Variants in DHX32 observed in about 807,000 individuals in gnomAD.
DHX32 encodes DEAH-box helicase 32 (putative), also known as putative pre-mRNA-splicing factor ATP-dependent RNA helicase DHX32.
DHX32 carries 51 observed loss-of-function variants against 70.0 expected under a neutral mutation model. The ratio of observed to expected loss-of-function variants is 0.73; its 90% CI spans 0.58 to 0.92. The LOEUF (loss-of-function observed/expected upper bound fraction) is 0.92. DHX32 is among the 40% of genes least tolerant of loss of function. DHX32 has a pLI of 0.00. For missense variants in DHX32, 762 were observed against 891.8 expected (o/e 0.85, Z 1.85); for synonymous variants, 310 against 315.3 (o/e 0.98, Z 0.18).
chr10:125,892,247 CTTA>C (rs1236355979), intron 1 of DHX32, among the ~76,000 whole-genome samples: 6 of 152,404 alleles, frequency 3.9e-5, no homozygotes, highest in Admixed American at 6.5e-5. Flanking sequence ...GCCCCTCCTT[CTTA>C]TTCCCACCAT....
chr10:125,847,415 A>G (rs1323208557), intron 6 of DHX32, among the ~76,000 whole-genome samples: 1 of 152,228 alleles, frequency 6.6e-6, no homozygotes, highest in Non-Finnish European at 1.5e-5. Context: ...AATGCATTCT[A>G]TAACAGAGTG....
intron 1 of DHX32, among the ~76,000 whole-genome samples, chr10:125,874,719 T>C (rs555883232): frequency 6.6e-6 from 1 of 152,234 alleles, no homozygotes; most frequent in African/African-American, 2.4e-5. Flanking sequence ...AACCCTGTAG[T>C]GCTAAACTGG....
chr10:125,838,202 T>C lies in DHX32; in HGVS notation c.2063+4A>G. On this transcript the variant is annotated splice_donor_region_variant and intron_variant, in intron 10 of 10. Coordinates refer to ENST00000284690, the MANE Select transcript of DHX32 (RefSeq NM_018180.3). Reference sequence around the variant, plus strand: ...TACAACCCTTTCTTCTCCATTAAACTTACAGTTCAGGAGAGATTTCTGAGG... The same window carrying C: ...TACAACCCTTTCTTCTCCATTAAACCTACAGTTCAGGAGAGATTTCTGAGG... 1 of 1,576,260 alleles carries C rather than the reference T, an allele frequency of 6.3e-7. No homozygotes were observed. Among genetic ancestry groups the C allele is most frequent in the Non-Finnish European group, 8.6e-7 (1 of 1,167,842 alleles).
rs117664366 is a variant in DHX32 at position 125,875,452 on chromosome 10, G to A, written c.282+5091C>T. ...AAAGGACAGAGAAGCCACATTGGGG[G>A]CAATTTGAACAACAAAGTAAGTAGG... On this transcript the variant is annotated intron_variant, in intron 1 of 10. Transcript: ENST00000284690. Among the ~76,000 whole-genome samples the A allele has an allele frequency of 1.2e-3, 176 of 152,262 alleles. 10 individuals carry two copies. In the East Asian group the frequency reaches 0.03, roughly 26 times the overall value.
chr10:125,856,959 T>G (rs576927450), intron 3 of DHX32, among the ~76,000 whole-genome samples: 1 of 152,266 alleles, frequency 6.6e-6, no homozygotes, highest in Non-Finnish European at 1.5e-5. Flanking sequence ...TGTCTCTAAG[T>G]AAATAAATAC....
chr10:125,882,800 G>A (rs141154181), upstream of DHX32, among the ~76,000 whole-genome samples: 4 of 152,288 alleles, frequency 2.6e-5, no homozygotes, highest in African/African-American at 9.6e-5. Context: ...GGTAGCTTGA[G>A]ATCATCGCAC....
intron 1 of DHX32, among the ~76,000 whole-genome samples, chr10:125,893,533 G>A (rs1944383716): frequency 6.6e-6 from 1 of 152,210 alleles, no homozygotes; most frequent in Non-Finnish European, 1.5e-5. Context: ...GTGAGCCACC[G>A]CGCCCGGCCA....
intron 10 of DHX32, among the ~76,000 whole-genome samples, chr10:125,837,963 T>C (rs974297061): frequency 5.9e-5 from 9 of 152,212 alleles, no homozygotes; most frequent in Non-Finnish European, 1.0e-4. Context: ...CATTCTGTCC[T>C]TCTTAAAGAC....
Position 125,880,790 on chromosome 10 carries a change from G to A in DHX32, c.35C>T (p.Ser12Phe), listed in dbSNP as rs754210938. 6.4e-5 allele frequency: 104 copies of A among 1,614,050 alleles called. No individual in the cohort carries two copies. In the Middle Eastern group the frequency reaches 6.6e-4, roughly 10 times the overall value. Residue 12 changes from serine (S) to phenylalanine (F), a missense_variant, in exon 1 of 11, where the codon TCC (serine) becomes TTC (phenylalanine). Coordinates refer to ENST00000284690, the MANE Select transcript of DHX32 (RefSeq NM_018180.3). ...TTCAGGAAAATAGCGTTTTTCAGAG[G>A]AAGAGTTTGGACACTCCAGCCCTTC... Reference protein sequence around the residue: ...EEEGLECPNSSSEKRYFPESL... With the variant: ...EEEGLECPNSFSEKRYFPESL...
intron 1 of DHX32, among the ~76,000 whole-genome samples, chr10:125,880,238 T>G (rs896402475): frequency 6.6e-6 from 1 of 152,210 alleles, no homozygotes; most frequent in Non-Finnish European, 1.5e-5. Flanking sequence ...TTTTAAAATA[T>G]CATATACACA....
intron 1 of DHX32, among the ~76,000 whole-genome samples, chr10:125,870,973 T>C (rs1252200264): frequency 6.6e-6 from 1 of 152,254 alleles, no homozygotes. Context: ...CTATCCAGTT[T>C]TATTAAAACA....
chr10:125,854,111 C>T lies in DHX32; in HGVS notation c.942G>A (p.Glu314=), dbSNP rs1183976416. The change falls in exon 4 of 11, where the codon GAG becomes GAA. Residue 314 remains glutamate (E), a synonymous_variant. Transcript: ENST00000284690. The part of the protein sequence containing the change: ...ELVVVPLYPK[E]KCSLFKPLDE... ...CGAGTGGCTTGAACAATGAACATTT[C>T]TCTTTTGGATACAAAGGAACAACCA... The T allele has an allele frequency of 6.2e-7, 1 of 1,613,900 alleles. No homozygotes were observed. The highest frequency in any genetic ancestry group is 1.1e-5 in the South Asian group (1 of 91,070).
At chr10:125,891,679 A>G (rs1944372005) in intron 1 of DHX32, among the ~76,000 whole-genome samples, 1 of 152,312 alleles carries the variant, frequency 6.6e-6, no homozygotes, top group Non-Finnish European at 1.5e-5. Context: ...TAAAACAATA[A>G]TAGATGAACT....
chr10:125,865,010 TTATAA>T (rs1283849690), intron 2 of DHX32, among the ~76,000 whole-genome samples: 2 of 148,802 alleles, frequency 1.3e-5, no homozygotes, highest in Non-Finnish European at 3.0e-5. Context: ...GACAAAGCTC[TTATAA>T]TATCTCATTT....
At chr10:125,860,178 T>C (rs367954844) in intron 2 of DHX32, among the ~76,000 whole-genome samples, 24 of 152,172 alleles carry the variant, frequency 1.6e-4, no homozygotes, top group African/African-American at 4.6e-4. Flanking sequence ...TATACCCAGT[T>C]TGTATATGTT....
chr10:125,861,523 C>G (rs112075389), intron 2 of DHX32, among the ~76,000 whole-genome samples: 302 of 152,258 alleles, frequency 2.0e-3, no homozygotes, highest in African/African-American at 7.0e-3. Context: ...GTGCCTGAAC[C>G]ATTTGTACAG....
In DHX32 at chr10:125,836,460, G is replaced by A. The variant is rs900299989; in HGVS notation, c.*227C>T. On this transcript the variant is annotated 3_prime_UTR_variant, in exon 11 of 11. Coordinates refer to ENST00000284690, the MANE Select transcript of DHX32 (RefSeq NM_018180.3). ...TTAAAATTTTGGTCAAATTATGAGT[G>A]GTTGATTTAAAAACTTTTCCAAGAA... The A allele has an allele frequency of 7.1e-7, 1 of 1,402,178 alleles. No individual in the cohort carries two copies. Among genetic ancestry groups the A allele is most frequent in the Non-Finnish European group, 9.2e-7 (1 of 1,081,194 alleles). 86.9% of individuals were successfully genotyped at this position (1,402,178 alleles called of 1,614,324 possible).
intron 6 of DHX32, among the ~76,000 whole-genome samples, chr10:125,850,664 T>C (rs1467885688): frequency 1.3e-5 from 2 of 152,228 alleles, no homozygotes; most frequent in African/African-American, 2.4e-5. Flanking sequence ...AACTTTATTT[T>C]CTTCCTGCAT....
At chr10:125,844,413 T>C (rs1024550058) in intron 6 of DHX32, among the ~76,000 whole-genome samples, 4 of 152,244 alleles carry the variant, frequency 2.6e-5, no homozygotes, top group African/African-American at 9.6e-5. Flanking sequence ...TACTATTCAT[T>C]TTTACACCCT....
Sources: allele counts gnomAD v4.1 joint callset (sites outside exome capture counted in the v4.1 genomes callset), GRCh38; gene constraint gnomAD v4.1.1; transcripts MANE v1.5; gene names NCBI Gene and HGNC (gene_info 2026-07-23, HGNC 2026-07-21).